Variants in RIMS2 observed in about 807,000 individuals in gnomAD.
RIMS2 encodes regulating synaptic membrane exocytosis protein 2.
Under a neutral mutation model 174.4 loss-of-function variants are expected in RIMS2, and 59 were observed. That is an observed-to-expected ratio of 0.34 (90% CI 0.27 to 0.42). The LOEUF (loss-of-function observed/expected upper bound fraction) is 0.42, where lower values mean the gene tolerates loss of function less well. RIMS2 is among the 10% of genes least tolerant of loss of function. The pLI is 1.00. For missense variants in RIMS2, 1,620 were observed against 1,666.3 expected, an observed-to-expected ratio of 0.97 and a Z score of 0.48; for synonymous variants, 606 against 572.5, an observed-to-expected ratio of 1.06 and a Z score of -0.84.
At chr8:103,558,714 C>A (rs1396141192) in intron 1 of RIMS2, among the ~76,000 whole-genome samples, 2 of 151,890 alleles carry the variant, frequency 1.3e-5, no homozygotes, top group Non-Finnish European at 2.9e-5. Context: ...GGTCACACCA[C>A]AAGTAAAGTC....
chr8:104,188,083 G>A (rs892517897), intron 19 of RIMS2, among the ~76,000 whole-genome samples: 13 of 151,680 alleles, frequency 8.6e-5, no homozygotes, highest in African/African-American at 3.1e-4. Flanking sequence ...TATGAGAATG[G>A]ATGTAGCCTA....
chr8:103,819,577 C>A lies in RIMS2; in HGVS notation c.698+53040C>A, dbSNP rs1312958060. On this transcript the variant is annotated intron_variant, in intron 3 of 23. Transcript: ENST00000504942. Reference sequence around the variant, plus strand: ...TCATTTTCATGGGGTTTTTTCATCCCCACCAAATATCTTACAAAATGAGCT... The same window carrying A: ...TCATTTTCATGGGGTTTTTTCATCCACACCAAATATCTTACAAAATGAGCT... The A allele has an allele frequency of 3.7e-6, 6 of 1,613,382 alleles. No individual in the cohort carries two copies. The African/African-American group carries it at 6.7e-5, about 18-fold the overall frequency.
At chr8:104,124,887 A>G (rs2098415713) in intron 19 of RIMS2, among the ~76,000 whole-genome samples, 1 of 152,198 alleles carries the variant, frequency 6.6e-6, no homozygotes, top group Non-Finnish European at 1.5e-5. Flanking sequence ...TGCCCTATAG[A>G]GAACAAAGAG....
At chr8:104,111,821 A>C (rs2098189639) in intron 19 of RIMS2, among the ~76,000 whole-genome samples, 1 of 152,176 alleles carries the variant, frequency 6.6e-6, no homozygotes, top group Non-Finnish European at 1.5e-5. Flanking sequence ...TCATATATAC[A>C]TGTGTGCATG....
intron 19 of RIMS2, among the ~76,000 whole-genome samples, chr8:104,232,370 A>G (rs2099235203): frequency 6.6e-6 from 1 of 152,264 alleles, no homozygotes; most frequent in Non-Finnish European, 1.5e-5. Context: ...TAAACTAGCA[A>G]CATATTTTTC....
At chr8:103,922,344 A>T (rs2077844271) in intron 10 of RIMS2, among the ~76,000 whole-genome samples, 1 of 151,930 alleles carries the variant, frequency 6.6e-6, no homozygotes, top group East Asian at 1.9e-4. Context: ...ACATTAAGTG[A>T]TCCCTGATTT....
chr8:103,831,003 C>G (rs2098822584), intron 3 of RIMS2, among the ~76,000 whole-genome samples: 1 of 152,060 alleles, frequency 6.6e-6, no homozygotes, highest in Non-Finnish European at 1.5e-5. Context: ...GAGATGAGGT[C>G]TCACTGTGTT....
chr8:103,591,932 CA>C (rs1207634721), intron 1 of RIMS2, among the ~76,000 whole-genome samples: 4 of 151,140 alleles, frequency 2.6e-5, no homozygotes, highest in Admixed American at 2.6e-4. Flanking sequence ...TCAATTATTA[CA>C]AAAAAGCTTA....
intron 14 of RIMS2, among the ~76,000 whole-genome samples, chr8:103,946,936 A>G (rs1262806707): frequency 6.6e-6 from 1 of 152,222 alleles, no homozygotes; most frequent in African/African-American, 2.4e-5. Context: ...ATTAAAAATT[A>G]TATTCATGGT....
chr8:103,786,084 G>A (rs2098440794), intron 3 of RIMS2, among the ~76,000 whole-genome samples: 1 of 152,036 alleles, frequency 6.6e-6, no homozygotes, highest in Non-Finnish European at 1.5e-5. Context: ...TTCTCTGATG[G>A]TAGTTTGTAT....
chr8:103,659,119 C>T (rs1026594209), intron 1 of RIMS2, among the ~76,000 whole-genome samples: 6 of 152,086 alleles, frequency 3.9e-5, no homozygotes, highest in African/African-American at 9.7e-5. Flanking sequence ...ATGATATAGA[C>T]AAAAGATTGT....
chr8:103,559,715 T>C (rs1481745721), intron 1 of RIMS2, among the ~76,000 whole-genome samples: 1 of 152,206 alleles, frequency 6.6e-6, no homozygotes, highest in Admixed American at 6.5e-5. Context: ...TGTTAGATTA[T>C]CAAAAACCAT....
intron 19 of RIMS2, among the ~76,000 whole-genome samples, chr8:104,190,783 T>C (rs2098993562): frequency 6.6e-6 from 1 of 152,216 alleles, no homozygotes; most frequent in African/African-American, 2.4e-5. Flanking sequence ...CACCATTTCA[T>C]AGATAATTTC....
intron 1 of RIMS2, among the ~76,000 whole-genome samples, chr8:103,657,564 C>T (rs181053262): frequency 1.3e-5 from 2 of 152,284 alleles, no homozygotes; most frequent in East Asian, 3.9e-4. Flanking sequence ...AAGGATTGCC[C>T]TGTCAACAAA....
intron 19 of RIMS2, chr8:104,015,593 T>A (rs904914781): frequency 2.6e-5 from 11 of 420,138 alleles, no homozygotes; most frequent in Non-Finnish European, 4.6e-5. Context: ...TTTTATGATA[T>A]CTGACAAAGT....
intron 2 of RIMS2, among the ~76,000 whole-genome samples, chr8:103,740,346 C>T (rs1322095036): frequency 3.3e-5 from 5 of 152,156 alleles, no homozygotes; most frequent in Non-Finnish European, 5.9e-5. Context: ...AACCTAGATG[C>T]CTGCTGACTT....
intron 2 of RIMS2, among the ~76,000 whole-genome samples, chr8:103,730,287 A>C (rs1301702147): frequency 6.6e-6 from 1 of 151,768 alleles, no homozygotes; most frequent in Non-Finnish European, 1.5e-5. Flanking sequence ...CAATTGTTAT[A>C]TATATAGAGG....
chr8:103,523,716 G>C lies in RIMS2; in HGVS notation c.176+22654G>C, dbSNP rs144325672. Among the ~76,000 whole-genome samples, 496 of 152,154 alleles carry C rather than the reference G, an allele frequency of 3.3e-3. 6 individuals carry two copies. Among genetic ancestry groups the C allele is most frequent in the African/African-American group, 0.012 (480 of 41,530 alleles). ...CAGTTTTGAACAAACATGAAGTTTG[G>C]TTTGTGATCCCAAGTAAATAGATGA... On this transcript the variant is annotated intron_variant, in intron 1 of 23. Transcript: ENST00000504942.
intron 1 of RIMS2, among the ~76,000 whole-genome samples, chr8:103,625,610 A>T (rs1227574787): frequency 1.3e-5 from 2 of 152,156 alleles, no homozygotes; most frequent in East Asian, 3.8e-4. Context: ...ACATAGTATG[A>T]ACCAAAGCTT....
Sources: allele counts gnomAD v4.1 joint callset (sites outside exome capture counted in the v4.1 genomes callset), GRCh38; gene constraint gnomAD v4.1.1; transcripts MANE v1.5; gene names NCBI Gene and HGNC (gene_info 2026-07-23, HGNC 2026-07-21).